Variants in DPP6 observed in about 807,000 individuals in gnomAD.
DPP6 encodes dipeptidyl peptidase like 6.
Under a neutral mutation model 122.6 loss-of-function variants are expected in DPP6, and 69 were observed. That is an observed-to-expected ratio of 0.56 (90% CI 0.46 to 0.69). The LOEUF is 0.69. Among genes scored for constraint, DPP6 ranks in the 30% least tolerant of loss-of-function variants. The probability of loss-of-function intolerance (pLI) is 0.00; values close to 1 mark genes in which losing one functional copy is unlikely to be tolerated. For synonymous variants in DPP6, 418 were observed against 433.1 expected (o/e 0.97, Z 0.43); for missense variants, 928 against 1,116.9 (o/e 0.83, Z 2.41).
At chr7:154,002,517 G>C (rs1344486055) in intron 1 of DPP6, among the ~76,000 whole-genome samples, 1 of 152,188 alleles carries the variant, frequency 6.6e-6, no homozygotes, top group Non-Finnish European at 1.5e-5. Flanking sequence ...CAATATCTAG[G>C]CTATAGTAGG....
At chr7:153,826,623 G>C in the DPP6 span, among the ~76,000 whole-genome samples, 1 of 151,994 alleles carries the variant, frequency 6.6e-6, no homozygotes, top group South Asian at 2.1e-4. Context: ...AATTAATTTG[G>C]GTTCTACATT....
rs370557381 is a variant in DPP6, at chr7:154,548,705, G to A, written c.552+8079G>A. On this transcript the variant is annotated intron_variant, in intron 4 of 25. Transcript: ENST00000377770. ...GTGCAAGGCCCTGACTAGACATGGT[G>A]GTGGGTGGATACAGTGATTAATAAA... Among the ~76,000 whole-genome samples, 185 of 152,178 alleles carry A rather than the reference G, an allele frequency of 1.2e-3. 1 individual carries two copies. Among genetic ancestry groups the A allele is most frequent in the African/African-American group, 3.8e-3 (158 of 41,510 alleles).
At chr7:154,274,649 C>A (rs1047768167) in intron 1 of DPP6, among the ~76,000 whole-genome samples, 1 of 150,892 alleles carries the variant, frequency 6.6e-6, no homozygotes, top group Non-Finnish European at 1.5e-5. Context: ...ATGCAAAATA[C>A]GTTTTTTTTC....
intron 1 of DPP6, among the ~76,000 whole-genome samples, chr7:154,240,238 T>C (rs1462270915): frequency 6.6e-6 from 1 of 151,994 alleles, no homozygotes; most frequent in Non-Finnish European, 1.5e-5. Flanking sequence ...TCCAATGGGG[T>C]AATTCTAACC....
At chr7:154,477,173 C>A (rs182877920) in intron 3 of DPP6, among the ~76,000 whole-genome samples, 1 of 152,042 alleles carries the variant, frequency 6.6e-6, no homozygotes, top group Non-Finnish European at 1.5e-5. Context: ...TAAGCTATTA[C>A]GTCTTTAGGG....
chr7:154,425,627 T>TGG (rs751009552), intron 1 of DPP6, among the ~76,000 whole-genome samples: 2,080 of 115,476 alleles, frequency 0.018, 34 homozygotes, highest in East Asian at 0.08. Flanking sequence ...TGTGGGTGTG[T>TGG]GTGTGTGTGT....
intron 1 of DPP6, among the ~76,000 whole-genome samples, chr7:154,203,897 T>G (rs1353801121): frequency 6.6e-6 from 1 of 152,220 alleles, no homozygotes; most frequent in African/African-American, 2.4e-5. Flanking sequence ...CATCTATTTT[T>G]GTGTGTTTTT....
rs564648394 is a variant in DPP6 at position 154,283,217 on chromosome 7, G to A, written c.244-162997G>A. Among the ~76,000 whole-genome samples, 137 of 152,232 alleles carry A rather than the reference G, an allele frequency of 9.0e-4. 1 individual carries two copies. Among genetic ancestry groups the A allele is most frequent in the African/African-American group, 2.8e-3 (118 of 41,532 alleles). On this transcript the variant is annotated intron_variant, in intron 1 of 25. Coordinates refer to ENST00000377770, the MANE Select transcript of DPP6 (RefSeq NM_130797.4). ...GGTCACTCATTTGAGAGACAGAAGC[G>A]AGTAGAGGCTGTAAGCATGAACTCT...
chr7:153,859,516 A>G, the DPP6 span, among the ~76,000 whole-genome samples: 1 of 152,178 alleles, frequency 6.6e-6, no homozygotes, highest in Non-Finnish European at 1.5e-5. Context: ...TGAGCTGGAC[A>G]GGACAGAACC....
rs542592419 is a variant in DPP6 at position 153,918,915 on chromosome 7, G to T, written c.51+31181G>T. Among the ~76,000 whole-genome samples, 23 of 142,304 alleles carry T rather than the reference G, an allele frequency of 1.6e-4. No homozygotes were observed. In the South Asian group the frequency reaches 5.2e-3, roughly 32 times the overall value. 93.4% of individuals were successfully genotyped at this position (142,304 alleles called of 152,430 possible). A position where few individuals can be genotyped will look rare whatever the true frequency, so the allele number is the denominator to read the frequency against. On this transcript the variant is annotated intron_variant, in intron 1 of 25. Transcript: ENST00000404039. Reference sequence around the variant, plus strand: ...AATTGCTTGAACCTGGGAGGCAGAGGTTGCAGTGAGCCGAGATCATGCCAC... The same window carrying T: ...AATTGCTTGAACCTGGGAGGCAGAGTTTGCAGTGAGCCGAGATCATGCCAC...
At chr7:154,264,772 G>A (rs1483791583) in intron 1 of DPP6, among the ~76,000 whole-genome samples, 1 of 151,968 alleles carries the variant, frequency 6.6e-6, no homozygotes, top group Non-Finnish European at 1.5e-5. Flanking sequence ...TGATAATGAT[G>A]ATGATCCTGA....
intron 1 of DPP6, among the ~76,000 whole-genome samples, chr7:154,225,366 T>C (rs1041489317): frequency 1.3e-5 from 2 of 152,120 alleles, no homozygotes; most frequent in African/African-American, 2.4e-5. Context: ...TAAAATAGAA[T>C]ATATATCTAT....
chr7:154,026,875 T>A (rs2129053475), intron 1 of DPP6: 1 of 152,232 alleles, frequency 6.6e-6, no homozygotes, highest in Non-Finnish European at 1.5e-5. Context: ...AATTCGGTAA[T>A]ATTCTATTTT....
Position 154,722,819 on chromosome 7 carries a change from G to A in DPP6, c.763-4948G>A, listed in dbSNP as rs141442814. Among the ~76,000 whole-genome samples the A allele has an allele frequency of 2.3e-3, 354 of 152,246 alleles. 2 individuals are homozygous for A. The highest frequency in any genetic ancestry group is 1.5e-3 in the Non-Finnish European group (99 of 68,028). On this transcript the variant is annotated intron_variant, in intron 7 of 25. Transcript: ENST00000377770. Reference sequence around the variant, plus strand: ...GAGTGCTCTGCCAGCCATGCACATGGTGGATAAAAAGTAAAAATTCAGTCA... The same window carrying A: ...GAGTGCTCTGCCAGCCATGCACATGATGGATAAAAAGTAAAAATTCAGTCA...
chr7:154,046,831 T>C (rs1481279276), intron 1 of DPP6, among the ~76,000 whole-genome samples: 1 of 152,198 alleles, frequency 6.6e-6, no homozygotes, highest in Non-Finnish European at 1.5e-5. Flanking sequence ...CCTCCCTAAA[T>C]CTTAGTCCAG....
At chr7:154,707,373 T>C (rs564800391) in intron 7 of DPP6, among the ~76,000 whole-genome samples, 1 of 152,150 alleles carries the variant, frequency 6.6e-6, no homozygotes, top group African/African-American at 2.4e-5. Context: ...AGTTAAATGA[T>C]TTTTTTTGCC....
intron 1 of DPP6, among the ~76,000 whole-genome samples, chr7:153,936,261 C>T (rs1291823318): frequency 1.3e-5 from 2 of 150,528 alleles, no homozygotes; most frequent in Non-Finnish European, 3.0e-5. Flanking sequence ...CAGAAAAAAA[C>T]ACCTCTCAGT....
intron 1 of DPP6, among the ~76,000 whole-genome samples, chr7:154,077,407 C>G (rs1374286921): frequency 6.6e-6 from 1 of 152,196 alleles, no homozygotes; most frequent in Non-Finnish European, 1.5e-5. Flanking sequence ...TCATTATGTA[C>G]TGAAGTACTC....
chr7:154,651,676 G>A (rs1204695499), intron 6 of DPP6, among the ~76,000 whole-genome samples: 3 of 152,060 alleles, frequency 2.0e-5, no homozygotes, highest in Admixed American at 6.6e-5. Flanking sequence ...AAATTGCTTC[G>A]GCAACATTAC....
Sources: gnomAD v4.1 joint callset for allele counts (sites outside exome capture counted in the v4.1 genomes callset) on GRCh38, gnomAD v4.1.1 for gene constraint, MANE v1.5 for transcripts, NCBI Gene and HGNC (gene_info 2026-07-23, HGNC 2026-07-21) for gene names.